EXD1: variants seen among roughly 807,000 people sequenced by gnomAD.
EXD1 encodes the protein piRNA biogenesis protein EXD1.
In EXD1, 63 loss-of-function variants were observed where a neutral mutation model predicts 49.1. That is an observed-to-expected ratio of 1.28 (90% CI 1.05 to 1.58). The LOEUF is 1.58. Among genes scored for constraint, EXD1 ranks in the 40% most tolerant of loss-of-function variants. The pLI is 0.00. For missense variants in EXD1, 748 were observed against 666.0 expected (o/e 1.12, Z -1.36); for synonymous variants, 234 against 239.2 (o/e 0.98, Z 0.20).
At position 41,191,546 on chromosome 15, in the gene EXD1, A is replaced by T. The variant is rs759727171; in HGVS notation, c.760T>A (p.Tyr254Asn). ...AAAGTAGTGATGCAGTTTGGAAGATAGCCACCCGTTTCCATGGAAAACTGA... is the reference window on the plus strand; with the variant it reads ...AAAGTAGTGATGCAGTTTGGAAGATTGCCACCCGTTTCCATGGAAAACTGA... ...VLQFSMETGG[Y>N]LPNCITTLQE... The change falls in exon 10 of 12, where the codon TAT (tyrosine) becomes AAT (asparagine). Residue 254 changes from tyrosine (Y) to asparagine (N), a missense_variant. Physicochemically the swap from Tyr to Asn is moderately radical, Grantham distance 143 (BLOSUM62 -2). Transcript: ENST00000458580. The T allele has an allele frequency of 5.8e-5, 93 of 1,614,022 alleles. No homozygotes were observed. The East Asian group carries it at 2.0e-3, about 34-fold the overall frequency.
chr15:41,216,964 C>G, intron 4 of EXD1, 133 bp downstream of exon 4: 1 of 1,271,322 alleles, frequency 7.9e-7, no homozygotes, highest in African/African-American at 1.5e-5. Context: ...TGGAAGAAAA[C>G]ACCTATATAT....
At chr15:41,226,983 C>A (rs2047173053) in intron 1 of EXD1, among the ~76,000 whole-genome samples, 2 of 152,134 alleles carry the variant, frequency 1.3e-5, no homozygotes, top group Non-Finnish European at 2.9e-5. Context: ...AAAAAATTGA[C>A]ATACATAGAA....
intron 7 of EXD1, among the ~76,000 whole-genome samples, chr15:41,206,678 G>A (rs1438822698): frequency 3.7e-5 from 5 of 135,250 alleles, no homozygotes; most frequent in African/African-American, 1.3e-4. Context: ...TTGGAGTGCA[G>A]TGGCACAATC....
At chr15:41,204,697 C>T (rs1211402828) in intron 7 of EXD1, among the ~76,000 whole-genome samples, 1 of 152,072 alleles carries the variant, frequency 6.6e-6, no homozygotes, top group East Asian at 1.9e-4. Context: ...AGCCACTATA[C>T]TCCAGCCTGG....
In EXD1 at chr15:41,195,815, T is replaced by C. The variant is rs1478279734; in HGVS notation, c.680A>G (p.His227Arg). Residue 227 changes from histidine (H) to arginine (R), a missense_variant, in exon 9 of 12, where the codon CAT (histidine) becomes CGT (arginine). By Grantham distance (29) the His-to-Arg change is conservative. Coordinates refer to ENST00000458580, the MANE Select transcript of EXD1 (RefSeq NM_001286441.2). ...ATTATTCAGCAAAATTCCATACTGATGAGAGAGGCAATCAGAAAGCCAACG... is the reference window on the plus strand; with the variant it reads ...ATTATTCAGCAAAATTCCATACTGACGAGAGAGGCAATCAGAAAGCCAACG... ...DCRWLSDCLSHQYGILLNNVF... is the reference protein window; with the variant it reads ...DCRWLSDCLSRQYGILLNNVF... 1.6e-5 allele frequency: 26 copies of C among 1,613,548 alleles called. No homozygotes were observed. Among genetic ancestry groups the C allele is most frequent in the Non-Finnish European group, 2.1e-5 (25 of 1,179,954 alleles).
intron 7 of EXD1, among the ~76,000 whole-genome samples, chr15:41,200,808 G>T (rs1331130374): frequency 6.6e-6 from 1 of 152,074 alleles, no homozygotes; most frequent in Non-Finnish European, 1.5e-5. Context: ...ATACTGGAGA[G>T]TAGCAGTAGA....
rs556827326 is a variant in EXD1 at position 41,195,212 on chromosome 15, C to G, written c.720+563G>C. Among the ~76,000 whole-genome samples the G allele has an allele frequency of 1.1e-3, 168 of 150,004 alleles. 1 individual carries two copies. Among genetic ancestry groups the G allele is most frequent in the Middle Eastern group, 3.4e-3 (1 of 292 alleles). ...GACTAGCCTGGGCAACACAGTAAGA[C>G]TCCACTTCTAAATAATAATAACAAC... On this transcript the variant is annotated intron_variant, in intron 9 of 11. Coordinates refer to ENST00000458580, the MANE Select transcript of EXD1 (RefSeq NM_001286441.2).
At chr15:41,228,678 A>C (rs2047196085) in intron 1 of EXD1, among the ~76,000 whole-genome samples, 1 of 152,174 alleles carries the variant, frequency 6.6e-6, no homozygotes, top group South Asian at 2.1e-4. Flanking sequence ...AAAAGAAAAC[A>C]GCCCTTAATA....
chr15:41,207,035 G>A (rs1237427074), intron 7 of EXD1, among the ~76,000 whole-genome samples: 1 of 140,214 alleles, frequency 7.1e-6, no homozygotes, highest in Non-Finnish European at 1.5e-5. Flanking sequence ...GAGGTAAGGA[G>A]TTCGAGACCA....
At chr15:41,185,103 CTGTGT>C (rs2046387819) in intron 11 of EXD1, among the ~76,000 whole-genome samples, 1 of 152,144 alleles carries the variant, frequency 6.6e-6, no homozygotes, top group African/African-American at 2.4e-5. Context: ...ATCCATAGGG[CTGTGT>C]GTCTCTGTGT....
chr15:41,220,553 C>G (rs563954754), intron 2 of EXD1, among the ~76,000 whole-genome samples: 3 of 152,054 alleles, frequency 2.0e-5, no homozygotes, highest in Non-Finnish European at 4.4e-5. Context: ...CCACCGCACC[C>G]GGCCAAGGCA....
intron 9 of EXD1, among the ~76,000 whole-genome samples, chr15:41,192,612 T>A (rs1482773324): frequency 1.4e-4 from 14 of 99,900 alleles, no homozygotes; most frequent in South Asian, 4.4e-4. Flanking sequence ...TTTTTTTTTT[T>A]TTTTTTTTTT....
In EXD1 at chr15:41,183,996, G is replaced by C; in HGVS notation, c.1654C>G (p.Leu552Val). 1 of 1,614,034 alleles carries C rather than the reference G, an allele frequency of 6.2e-7. No homozygotes were observed. Among genetic ancestry groups the C allele is most frequent in the Non-Finnish European group, 8.5e-7 (1 of 1,179,964 alleles). The change falls in exon 12 of 12, where the codon CTC becomes GTC. Residue 552 changes from leucine to valine, a missense_variant. Coordinates refer to ENST00000458580, the MANE Select transcript of EXD1 (RefSeq NM_001286441.2). The stretch of plus-strand genomic sequence containing the variant: ...TTCTCCAAGGCTGGACAGGGAGGGA[G>C]TGTGGAAACCACAGTCTTTCTGATA... ...YPIRKTVVST[L>V]PPCPALEKID...
intron 7 of EXD1, among the ~76,000 whole-genome samples, chr15:41,199,703 A>G (rs1277358761): frequency 1.8e-5 from 2 of 110,858 alleles, no homozygotes; most frequent in African/African-American, 6.8e-5. Context: ...TATATTACAT[A>G]TATCATATAT....
At chr15:41,229,248 C>T (rs909383819) in intron 1 of EXD1, among the ~76,000 whole-genome samples, 9 of 152,176 alleles carry the variant, frequency 5.9e-5, no homozygotes, top group African/African-American at 2.2e-4. Context: ...GAGGCCGAGG[C>T]GGGTGGATCA....
chr15:41,187,724 C>T (rs936198045), intron 11 of EXD1, among the ~76,000 whole-genome samples: 1 of 151,984 alleles, frequency 6.6e-6, no homozygotes, highest in South Asian at 2.1e-4. Context: ...ATAAAAAATG[C>T]TAGTATTAGG....
chr15:41,183,191 G>C lies in EXD1; in HGVS notation c.*740C>G, dbSNP rs1369812280. The C allele has an allele frequency of 6.6e-6, 1 of 152,294 alleles. No homozygotes were observed. Among genetic ancestry groups the C allele is most frequent in the African/African-American group, 2.4e-5 (1 of 41,456 alleles). The allele number at this position is 152,294 out of a possible 1,614,324, so 9.4% of individuals were successfully genotyped here. On this transcript the variant is annotated 3_prime_UTR_variant, in exon 12 of 12. Coordinates refer to ENST00000458580, the MANE Select transcript of EXD1 (RefSeq NM_001286441.2). Reference sequence around the variant, plus strand: ...TGTAATCCCAGCTACTCAGGAGGCTGAGGCAGGAGAATTGCTTGAACCCGG... The same window carrying C: ...TGTAATCCCAGCTACTCAGGAGGCTCAGGCAGGAGAATTGCTTGAACCCGG...
intron 7 of EXD1, 123 bp from the exon 8 acceptor site, chr15:41,196,160 AT>A: frequency 1.3e-6 from 1 of 748,226 alleles, no homozygotes; most frequent in Non-Finnish European, 2.1e-6. Context: ...TTATTTATTT[AT>A]TTAGAGACAA....
rs2046517240 is a variant in EXD1, at chr15:41,191,552, C to T, written c.754G>A (p.Gly252Ser). 1 of 1,613,994 alleles carries T rather than the reference C, an allele frequency of 6.2e-7. No individual in the cohort carries two copies. The highest frequency in any genetic ancestry group is 1.3e-5 in the African/African-American group (1 of 75,022). Residue 252 changes from glycine (G) to serine (S), a missense_variant, in exon 10 of 12, where the codon GGT (glycine) becomes AGT (serine). Physicochemically the swap from Gly to Ser is moderately conservative, Grantham distance 56. Transcript: ENST00000458580. ...ADVLQFSMET[G>S]GYLPNCITTL... ...GTGATGCAGTTTGGAAGATAGCCAC[C>T]CGTTTCCATGGAAAACTGAAGTACA...
Sources: gnomAD v4.1 joint callset for allele counts (sites outside exome capture counted in the v4.1 genomes callset) on GRCh38, gnomAD v4.1.1 for gene constraint, MANE v1.5 for transcripts, NCBI Gene and HGNC (gene_info 2026-07-23, HGNC 2026-07-21) for gene names.